The following ADCY5 variants were observed in gnomAD, a reference collection of about 807,000 sequenced individuals.
The protein encoded by ADCY5 is adenylate cyclase type 5.
ADCY5 carries 30 observed loss-of-function variants against 119.7 expected under a neutral mutation model. The ratio of observed to expected loss-of-function variants is 0.25; its 90% CI spans 0.19 to 0.34. The LOEUF is 0.34. Ranked by LOEUF, ADCY5 falls within the 10% of genes least tolerant of loss-of-function variation. ADCY5 has a pLI of 1.00. For missense variants in ADCY5, 1,324 were observed against 1,775.2 expected (o/e 0.75, Z 4.57); for synonymous variants, 753 against 762.2 (o/e 0.99, Z 0.20).
intron 1 of ADCY5, among the ~76,000 whole-genome samples, chr3:123,405,148 C>G (rs983096318): frequency 6.6e-6 from 1 of 152,250 alleles, no homozygotes; most frequent in African/African-American, 2.4e-5. Context: ...GCCCTGAAAA[C>G]AGAGCAGCTC....
chr3:123,397,215 C>A (rs1464918305), intron 1 of ADCY5, among the ~76,000 whole-genome samples: 1 of 152,216 alleles, frequency 6.6e-6, no homozygotes, highest in African/African-American at 2.4e-5. Flanking sequence ...CGCTGCAGCA[C>A]AGCAGAGGGG....
At chr3:123,324,743 C>G (rs1941393010) in intron 8 of ADCY5, among the ~76,000 whole-genome samples, 1 of 152,202 alleles carries the variant, frequency 6.6e-6, no homozygotes, top group African/African-American at 2.4e-5. Flanking sequence ...GACACCCGAC[C>G]ATGGCCTCCC....
At chr3:123,420,831 C>T (rs756043714) in intron 1 of ADCY5, among the ~76,000 whole-genome samples, 4 of 152,160 alleles carry the variant, frequency 2.6e-5, no homozygotes, top group Admixed American at 1.3e-4. Context: ...AAAATCAAAA[C>T]GTTGGCAGAG....
At chr3:123,423,016 T>C (rs1236994889) in intron 1 of ADCY5, among the ~76,000 whole-genome samples, 1 of 152,166 alleles carries the variant, frequency 6.6e-6, no homozygotes, top group Non-Finnish European at 1.5e-5. Context: ...CAGGAGAGAC[T>C]TCCCTGCACC....
intron 17 of ADCY5, among the ~76,000 whole-genome samples, chr3:123,292,916 C>T (rs1939245752): frequency 6.6e-6 from 1 of 152,162 alleles, no homozygotes; most frequent in Non-Finnish European, 1.5e-5. Context: ...CAGACAGCAT[C>T]AGCCCAAAGT....
chr3:123,378,744 C>T (rs1375754170), intron 1 of ADCY5, among the ~76,000 whole-genome samples: 1 of 152,232 alleles, frequency 6.6e-6, no homozygotes, highest in East Asian at 1.9e-4. Flanking sequence ...GGAAACCAAC[C>T]CTGGATGCAG....
At chr3:123,415,846 A>G (rs1249607816) in intron 1 of ADCY5, among the ~76,000 whole-genome samples, 1 of 152,232 alleles carries the variant, frequency 6.6e-6, no homozygotes, top group African/African-American at 2.4e-5. Flanking sequence ...GATTGTTTTC[A>G]GAAATACATG....
chr3:123,346,495 T>C (rs867598070), intron 3 of ADCY5, among the ~76,000 whole-genome samples: 2 of 152,154 alleles, frequency 1.3e-5, no homozygotes, highest in African/African-American at 2.4e-5. Context: ...ATGGAAGACA[T>C]GCAGTCAGGA....
intron 3 of ADCY5, among the ~76,000 whole-genome samples, chr3:123,332,935 T>G (rs964741267): frequency 2.3e-4 from 35 of 151,672 alleles, no homozygotes; most frequent in African/African-American, 8.5e-4. Context: ...TTTTTTTTTT[T>G]TTGGGTAGAG....
chr3:123,284,588 G>A lies in ADCY5; in HGVS notation c.*20C>T, dbSNP rs775307926. The A allele has an allele frequency of 3.1e-6, 5 of 1,613,990 alleles. No homozygotes were observed. The Admixed American group carries it at 6.7e-5, about 22-fold the overall frequency. Reference sequence around the variant, plus strand: ...ATGCCTCTGGAGGCCAGGCTGCCTGGCACCATTGGCCAACAGCTGCTAACT... The same window carrying A: ...ATGCCTCTGGAGGCCAGGCTGCCTGACACCATTGGCCAACAGCTGCTAACT... On this transcript the variant is annotated 3_prime_UTR_variant, in exon 21 of 21. Transcript: ENST00000462833.
intron 1 of ADCY5, among the ~76,000 whole-genome samples, chr3:123,363,464 T>C (rs1240386006): frequency 6.6e-6 from 1 of 152,192 alleles, no homozygotes; most frequent in East Asian, 1.9e-4. Context: ...CAAATATTCA[T>C]ACCCTCTGAC....
chr3:123,305,648 C>G (rs1300026208), intron 12 of ADCY5, among the ~76,000 whole-genome samples: 1 of 152,154 alleles, frequency 6.6e-6, no homozygotes, highest in Non-Finnish European at 1.5e-5. Flanking sequence ...TTCTGCCAGC[C>G]TCTATGAAAC....
Position 123,327,764 on chromosome 3 carries a change from A to AG in ADCY5, c.1806-6dup, listed in dbSNP as rs781007100. 1.9e-6 allele frequency: 3 copies of AG among 1,613,918 alleles called. No homozygotes were observed. Among genetic ancestry groups the AG allele is most frequent in the South Asian group, 1.1e-5 (1 of 91,058 alleles). On this transcript the variant is annotated splice_polypyrimidine_tract_variant and splice_region_variant and intron_variant, in intron 6 of 20. Coordinates refer to ENST00000462833, the MANE Select transcript of ADCY5 (RefSeq NM_183357.3). ...GCCTTGGTGATGTGGATGCGTCTAC[A>AG]GGGGGGCAGGGATCAGGGTGGAGAG...
intron 1 of ADCY5, among the ~76,000 whole-genome samples, chr3:123,415,113 C>A (rs543973865): frequency 6.6e-6 from 1 of 152,180 alleles, no homozygotes; most frequent in African/African-American, 2.4e-5. Flanking sequence ...TCTCCCACAG[C>A]CCCCACTGGC....
chr3:123,291,340 C>G lies in ADCY5; in HGVS notation c.3100G>C (p.Ala1034Pro), dbSNP rs776450720. The G allele has an allele frequency of 6.2e-7, 1 of 1,613,782 alleles. No homozygotes were observed. Among genetic ancestry groups the G allele is most frequent in the Non-Finnish European group, 8.5e-7 (1 of 1,179,890 alleles). The change falls in exon 18 of 21, where the codon GCC becomes CCC. Residue 1034 changes from alanine (A) to proline (P), a missense_variant. Coordinates refer to ENST00000462833, the MANE Select transcript of ADCY5 (RefSeq NM_183357.3). ...TTGTGCAGCAGCCGCCGGTTGTAGG[C>G]CTGCAGCTCCTCCATCTCCTCTTTC... ...EEKEEMEELQAYNRRLLHNIL... is the reference protein window; with the variant it reads ...EEKEEMEELQPYNRRLLHNIL...
At chr3:123,393,060 A>C (rs1000698263) in intron 1 of ADCY5, among the ~76,000 whole-genome samples, 2 of 152,140 alleles carry the variant, frequency 1.3e-5, no homozygotes, top group African/African-American at 4.8e-5. Context: ...AAACAAGGCA[A>C]CAGGTGAGGC....
intron 1 of ADCY5, among the ~76,000 whole-genome samples, chr3:123,387,686 C>G (rs1301941226): frequency 6.6e-6 from 1 of 152,066 alleles, no homozygotes; most frequent in Non-Finnish European, 1.5e-5. Context: ...ATTGCAGATG[C>G]AAAAAAGAAT....
chr3:123,318,481 G>A (rs1447805606), intron 10 of ADCY5, among the ~76,000 whole-genome samples: 3 of 152,088 alleles, frequency 2.0e-5, no homozygotes, highest in East Asian at 3.9e-4. Context: ...CCAAGAAGTC[G>A]GAATAAAACT....
chr3:123,388,447 G>T (rs758403652), intron 1 of ADCY5, among the ~76,000 whole-genome samples: 3 of 152,176 alleles, frequency 2.0e-5, no homozygotes, highest in Non-Finnish European at 2.9e-5. Flanking sequence ...TGAGGACAGT[G>T]GGGTGGATGA....
Sources: gnomAD v4.1 joint callset for allele counts (sites outside exome capture counted in the v4.1 genomes callset) on GRCh38, gnomAD v4.1.1 for gene constraint, MANE v1.5 for transcripts, NCBI Gene and HGNC (gene_info 2026-07-23, HGNC 2026-07-21) for gene names.